RNF38: variants seen among roughly 807,000 people sequenced by gnomAD.
The protein encoded by RNF38 is E3 ubiquitin-protein ligase RNF38.
RNF38 carries 15 observed loss-of-function variants against 67.2 expected under a neutral mutation model. That is an observed-to-expected ratio of 0.22 (90% CI 0.15 to 0.34). RNF38 has a LOEUF of 0.34. RNF38 is among the 10% of genes least tolerant of loss of function. The probability of loss-of-function intolerance (pLI) is 1.00; values close to 1 mark genes in which losing one functional copy is unlikely to be tolerated. For synonymous variants in RNF38, 220 were observed against 218.8 expected (o/e 1.01, Z -0.05); for missense variants, 524 against 639.9 (o/e 0.82, Z 1.95).
chr9:36,351,363 A>G (rs2133473197), intron 8 of RNF38, among the ~76,000 whole-genome samples, 164 bp from the exon 9 acceptor site: 1 of 152,356 alleles, frequency 6.6e-6, no homozygotes, highest in East Asian at 1.9e-4. Flanking sequence ...AACTGCAAAT[A>G]GATTGCTAGG....
intron 1 of RNF38, among the ~76,000 whole-genome samples, chr9:36,462,516 G>A (rs773223105): frequency 6.6e-6 from 1 of 152,054 alleles, no homozygotes; most frequent in Non-Finnish European, 1.5e-5. Context: ...TAATAGTCTA[G>A]AAGGTCACCA....
At chr9:36,448,117 T>C (rs1168548853) in intron 1 of RNF38, among the ~76,000 whole-genome samples, 1 of 152,204 alleles carries the variant, frequency 6.6e-6, no homozygotes, top group Non-Finnish European at 1.5e-5. Context: ...AGAAACTTAA[T>C]GACAGGGTGA....
intron 2 of RNF38, among the ~76,000 whole-genome samples, chr9:36,378,553 A>G (rs1202287554): frequency 6.6e-6 from 1 of 152,226 alleles, no homozygotes; most frequent in Non-Finnish European, 1.5e-5. Flanking sequence ...CACATTGTAT[A>G]TCCTACTCTG....
chr9:36,424,216 A>G (rs1443957391), intron 2 of RNF38, among the ~76,000 whole-genome samples: 2 of 152,220 alleles, frequency 1.3e-5, no homozygotes, highest in Non-Finnish European at 2.9e-5. Context: ...ACATAATTCA[A>G]TGCAATTAAT....
At chr9:36,340,586 G>C (rs1429355746) in intron 11 of RNF38, among the ~76,000 whole-genome samples, 1 of 152,126 alleles carries the variant, frequency 6.6e-6, no homozygotes, top group Non-Finnish European at 1.5e-5. Context: ...TGCCCAGGCT[G>C]GTCTCAAACT....
chr9:36,423,490 T>C (rs1030975721), intron 2 of RNF38, among the ~76,000 whole-genome samples: 3 of 152,266 alleles, frequency 2.0e-5, no homozygotes, highest in South Asian at 2.1e-4. Context: ...AAGGGAGTGA[T>C]AGATTCCTGC....
At position 36,390,573 on chromosome 9, in the gene RNF38, T is replaced by C. The variant is rs779604099; in HGVS notation, c.56A>G (p.Asn19Ser). 1 of 1,614,004 alleles carries C rather than the reference T, an allele frequency of 6.2e-7. No individual in the cohort carries two copies. The highest frequency in any genetic ancestry group is 8.5e-7 in the Non-Finnish European group (1 of 1,179,960). Residue 19 changes from asparagine to serine, a missense_variant, in exon 2 of 12, where the codon AAC (asparagine) becomes AGC (serine). By Grantham distance (46) the Asn-to-Ser change is conservative (BLOSUM62 1). Transcript: ENST00000259605. ...ANSASLPGHP[N>S]KVICERVRLQ... ...TCTCACCCTTTCACAAATCACCTTG[T>C]TAGGATGGCCAGGTAGAGATGCTGA...
chr9:36,348,037 C>T (rs1833419627), intron 9 of RNF38, among the ~76,000 whole-genome samples: 1 of 151,912 alleles, frequency 6.6e-6, no homozygotes, highest in Non-Finnish European at 1.5e-5. Context: ...GATTGCGCCA[C>T]GGCACTCCAG....
At chr9:36,405,268 T>TAA (rs34571914), upstream of RNF38, among the ~76,000 whole-genome samples, 67 of 149,970 alleles carry the variant, frequency 4.5e-4, no homozygotes, top group East Asian at 3.3e-3. Context: ...CTCTGTCTCT[T>TAA]AAAAAAAAAA....
intron 1 of RNF38, among the ~76,000 whole-genome samples, chr9:36,448,036 C>T (rs550007510): frequency 1.4e-4 from 21 of 152,260 alleles, no homozygotes; most frequent in African/African-American, 5.1e-4. Flanking sequence ...CTGAAAAGAG[C>T]CTTTAAAGCT....
intron 2 of RNF38, among the ~76,000 whole-genome samples, chr9:36,378,294 A>G (rs1835931858): frequency 6.7e-6 from 1 of 149,118 alleles, no homozygotes; most frequent in Non-Finnish European, 1.5e-5. Context: ...CTCCTCCCTC[A>G]GCCACCCGAG....
intron 1 of RNF38, among the ~76,000 whole-genome samples, chr9:36,486,119 C>A (rs987449580): frequency 1.3e-5 from 2 of 152,116 alleles, no homozygotes; most frequent in African/African-American, 4.8e-5. Context: ...TCCCTTCCCC[C>A]ACAATGACTG....
At chr9:36,375,845 G>A in intron 3 of RNF38, 89 bp downstream of exon 3, 1 of 1,212,864 alleles carries the variant, frequency 8.2e-7, no homozygotes, top group Non-Finnish European at 1.2e-6. Flanking sequence ...TTTATGAAAT[G>A]CCTACAGAAA....
intron 1 of RNF38, among the ~76,000 whole-genome samples, chr9:36,429,554 G>A (rs1211077903): frequency 1.3e-5 from 2 of 152,188 alleles, no homozygotes; most frequent in Non-Finnish European, 2.9e-5. Context: ...GCTGAGGTGG[G>A]AGGATCATGA....
rs577803338 is a variant in RNF38 at position 36,338,385 on chromosome 9, A to G, written c.*1367T>C. On this transcript the variant is annotated 3_prime_UTR_variant, in exon 12 of 12. Transcript: ENST00000259605. ...ACACCTGTTGTATTAAACTTTTCTC[A>G]TTCAAACAAAAATTAAAAGGAAAGG... 1 of 152,276 alleles carries G rather than the reference A, an allele frequency of 6.6e-6. No individual in the cohort carries two copies. The highest frequency in any genetic ancestry group is 2.4e-5 in the African/African-American group (1 of 41,560). 9.4% of individuals were successfully genotyped at this position (152,276 alleles called of 1,614,324 possible).
At chr9:36,376,276 C>A in intron 2 of RNF38, 149 bp from the exon 3 acceptor site, 1 of 590,510 alleles carries the variant, frequency 1.7e-6, no homozygotes, top group Non-Finnish European at 2.8e-6. Flanking sequence ...AAATTTAAAA[C>A]CTTTAAAAAA....
chr9:36,423,552 A>G (rs1331810670), intron 2 of RNF38, among the ~76,000 whole-genome samples: 3 of 152,202 alleles, frequency 2.0e-5, no homozygotes, highest in Admixed American at 2.0e-4. Flanking sequence ...ATGGTGAAAA[A>G]GACTAAATTT....
intron 1 of RNF38, among the ~76,000 whole-genome samples, chr9:36,454,503 AAAT>A (rs752841075): frequency 7.2e-5 from 11 of 152,082 alleles, no homozygotes; most frequent in Non-Finnish European, 1.5e-4. Context: ...AACATTGCAC[AAAT>A]ATTATGTTAG....
At chr9:36,409,225 G>A (rs944146483) in intron 2 of RNF38, among the ~76,000 whole-genome samples, 7 of 147,264 alleles carry the variant, frequency 4.8e-5, no homozygotes, top group Non-Finnish European at 1.0e-4. Flanking sequence ...AGGGAAGGAG[G>A]GAAGGAAGGA....
Sources: gnomAD v4.1 joint callset for allele counts (sites outside exome capture counted in the v4.1 genomes callset) on GRCh38, gnomAD v4.1.1 for gene constraint, MANE v1.5 for transcripts, NCBI Gene and HGNC (gene_info 2026-07-23, HGNC 2026-07-21) for gene names.